The following SCGB2B2 variants were observed in gnomAD, a reference collection of about 807,000 sequenced individuals.
SCGB2B2 encodes secretoglobin-like protein.
A neutral mutation model predicts 7.6 loss-of-function variants in SCGB2B2; 11 were observed. The observed-to-expected ratio is 1.45, with a 90% confidence interval of 0.91 to 2.40. SCGB2B2 has a LOEUF of 2.40. Among genes scored for constraint, SCGB2B2 ranks in the 30% most tolerant of loss-of-function variants. The pLI is 0.00. For missense variants in SCGB2B2, 104 were observed against 115.4 expected (o/e 0.90, Z 0.45); for synonymous variants, 50 against 48.6 (o/e 1.03, Z -0.12).
At chr19:34,658,783 G>C (rs1251639475) in intron 1 of SCGB2B2, among the ~76,000 whole-genome samples, 1 of 132,586 alleles carries the variant, frequency 7.5e-6, no homozygotes, top group African/African-American at 3.0e-5. Context: ...CCAAAGCCTG[G>C]CAGAGACACA....
Position 34,594,299 on chromosome 19 carries a change from T to C in SCGB2B2, c.122A>G (p.Asp41Gly), listed in dbSNP as rs1194318821. The C allele has an allele frequency of 6.2e-7, 1 of 1,613,870 alleles. No individual in the cohort carries two copies. Among genetic ancestry groups the C allele is most frequent in the Non-Finnish European group, 8.5e-7 (1 of 1,179,930 alleles). The change falls in exon 3 of 4, where the codon GAC becomes GGC. Residue 41 changes from aspartate (D) to glycine (G), a missense_variant. Coordinates refer to ENST00000601241, the MANE Select transcript of SCGB2B2 (RefSeq NM_001025591.4). ...ACGAGCAAGCTCCTCCTTCAGGAGG[T>C]CTTGGGACACATCAAACACAACATT... Reference protein sequence around the residue: ...LANVVFDVSQDLLKEELARYN... With the variant: ...LANVVFDVSQGLLKEELARYN...
At chr19:34,634,487 G>A (rs1020623726) in intron 1 of SCGB2B2, among the ~76,000 whole-genome samples, 2 of 152,258 alleles carry the variant, frequency 1.3e-5, no homozygotes, top group East Asian at 1.9e-4. Context: ...GCACTCACAC[G>A]GAATCTCTCC....
chr19:34,603,387 T>C (rs1449402900), intron 1 of SCGB2B2, among the ~76,000 whole-genome samples: 1 of 152,232 alleles, frequency 6.6e-6, no homozygotes, highest in East Asian at 1.9e-4. Flanking sequence ...TCCATGTCCA[T>C]GTTAATTCAG....
chr19:34,668,580 G>C (rs1213062647), intron 1 of SCGB2B2, among the ~76,000 whole-genome samples: 2 of 152,254 alleles, frequency 1.3e-5, no homozygotes, highest in African/African-American at 2.4e-5. Flanking sequence ...CCCGGTGCGG[G>C]ATCCACTGGG....
At chr19:34,636,520 G>A (rs1466020890) in intron 1 of SCGB2B2, among the ~76,000 whole-genome samples, 1 of 152,200 alleles carries the variant, frequency 6.6e-6, no homozygotes, top group African/African-American at 2.4e-5. Context: ...CTGCAACTGA[G>A]TAGCTGTTCA....
intron 1 of SCGB2B2, among the ~76,000 whole-genome samples, chr19:34,662,011 C>T (rs927341665): frequency 2.6e-5 from 4 of 152,060 alleles, no homozygotes; most frequent in African/African-American, 9.7e-5. Context: ...TCCCAAGTAG[C>T]TAGGACTACA....
intron 1 of SCGB2B2, among the ~76,000 whole-genome samples, chr19:34,613,910 G>T (rs2066001325): frequency 6.6e-6 from 1 of 152,120 alleles, no homozygotes; most frequent in African/African-American, 2.4e-5. Flanking sequence ...ATTCTTGCTG[G>T]ACAAGTTTTT....
intron 1 of SCGB2B2, among the ~76,000 whole-genome samples, chr19:34,643,364 A>C (rs1314366790): frequency 6.6e-6 from 1 of 152,212 alleles, no homozygotes; most frequent in Non-Finnish European, 1.5e-5. Context: ...GGGAGCTAGA[A>C]AAGTTGACCT....
intron 1 of SCGB2B2, among the ~76,000 whole-genome samples, chr19:34,636,606 C>G (rs1196844956): frequency 1.3e-5 from 2 of 152,128 alleles, no homozygotes; most frequent in African/African-American, 4.8e-5. Flanking sequence ...GCAGAGGGAA[C>G]AGTGGAAAGG....
intron 1 of SCGB2B2, among the ~76,000 whole-genome samples, chr19:34,601,404 G>A (rs2065619418): frequency 6.6e-6 from 1 of 152,198 alleles, no homozygotes. Flanking sequence ...GAAACAGCTT[G>A]TTGAATTCAA....
intron 1 of SCGB2B2, among the ~76,000 whole-genome samples, chr19:34,606,415 C>G (rs964528312): frequency 6.6e-6 from 1 of 151,876 alleles, no homozygotes; most frequent in African/African-American, 2.4e-5. Context: ...GAAGAGCACA[C>G]CAGTGCCTAC....
intron 1 of SCGB2B2, among the ~76,000 whole-genome samples, chr19:34,628,056 A>G (rs1384521429): frequency 6.6e-6 from 1 of 152,328 alleles, no homozygotes; most frequent in East Asian, 1.9e-4. Flanking sequence ...AGAAATAAAG[A>G]TGTTCTTTGA....
intron 1 of SCGB2B2, among the ~76,000 whole-genome samples, chr19:34,617,359 A>G (rs1270278): frequency 0.49 from 72,908 of 148,694 alleles, 18,627 homozygotes; most frequent in African/African-American, 0.62. Context: ...CTTTTATTTC[A>G]TTGAGCAGTG....
intron 1 of SCGB2B2, chr19:34,635,514 C>A: frequency 3.5e-6 from 1 of 289,852 alleles, no homozygotes; most frequent in Admixed American, 3.8e-5. Context: ...TTCGCTGCAC[C>A]CGTAAGGCTT....
rs188924701 is a variant in SCGB2B2, at chr19:34,668,656, G to A, written c.-2032+6974C>T. Among the ~76,000 whole-genome samples the A allele has an allele frequency of 1.1e-3, 164 of 152,338 alleles. 1 individual carries two copies. The highest frequency in any genetic ancestry group is 3.8e-3 in the African/African-American group (156 of 41,582). On this transcript the variant is annotated intron_variant, in intron 1 of 3. Coordinates refer to ENST00000601241, the MANE Select transcript of SCGB2B2 (RefSeq NM_001025591.4). Reference sequence around the variant, plus strand: ...AACCTTTATGTCTAGCTAACGGATTGTAAATACACCAGTCAGCACCCTGTG... The same window carrying A: ...AACCTTTATGTCTAGCTAACGGATTATAAATACACCAGTCAGCACCCTGTG...
rs1425757183 is a variant in SCGB2B2 at position 34,676,880 on chromosome 19, G to A, written c.-3282C>T. 5.3e-5 allele frequency: 8 copies of A among 152,246 alleles called. No homozygotes were observed. Among genetic ancestry groups the A allele is most frequent in the African/African-American group, 1.7e-4 (7 of 41,540 alleles). 9.4% of individuals were successfully genotyped at this position (152,246 alleles called of 1,614,324 possible). Reference sequence around the variant, plus strand: ...TACAGAGAGGTCCATTGCCCTTTTGGGTGGGCCTAAGAAGCACTTCTGGGG... The same window carrying A: ...TACAGAGAGGTCCATTGCCCTTTTGAGTGGGCCTAAGAAGCACTTCTGGGG... On this transcript the variant is annotated 5_prime_UTR_variant, in exon 1 of 4. Transcript: ENST00000601241.
chr19:34,624,788 C>A (rs2066324776), intron 1 of SCGB2B2, among the ~76,000 whole-genome samples: 1 of 152,196 alleles, frequency 6.6e-6, no homozygotes, highest in South Asian at 2.1e-4. Flanking sequence ...ACAGAGCCAA[C>A]ATTCCCAACA....
chr19:34,658,813 C>CAAAAAAA (rs138363297), intron 1 of SCGB2B2, among the ~76,000 whole-genome samples: 5 of 101,980 alleles, frequency 4.9e-5, no homozygotes, highest in African/African-American at 2.6e-4. Context: ...ACAACAACAA[C>CAAAAAAA]AAAAAAAAAA....
At position 34,592,324 on chromosome 19, in the gene SCGB2B2, G is replaced by T. The variant is rs2065316560; in HGVS notation, c.*1231C>A. On this transcript the variant is annotated 3_prime_UTR_variant, in exon 4 of 4. Transcript: ENST00000601241. ...GCTGAAGGTGGGTCTGCACTTGTAG[G>T]GAAATGAGCTCTCAAAGATCCAGGG... Among the ~76,000 whole-genome samples, 1 of 152,130 alleles carries T rather than the reference G, an allele frequency of 6.6e-6. No individual in the cohort carries two copies. The highest frequency in any genetic ancestry group is 1.5e-5 in the Non-Finnish European group (1 of 68,030).
Sources: allele counts gnomAD v4.1 joint callset (sites outside exome capture counted in the v4.1 genomes callset), GRCh38; gene constraint gnomAD v4.1.1; transcripts MANE v1.5; gene names NCBI Gene and HGNC (gene_info 2026-07-23, HGNC 2026-07-21).